Variants in DNAAF9 observed in about 807,000 individuals in gnomAD.
DNAAF9 encodes dynein axonemal assembly factor 9.
Under a neutral mutation model 167.0 loss-of-function variants are expected in DNAAF9, and 90 were observed. The observed-to-expected ratio is 0.54, with a 90% CI of 0.45 to 0.64. The LOEUF (loss-of-function observed/expected upper bound fraction) is 0.64. DNAAF9 is among the 30% of genes least tolerant of loss of function. The pLI is 0.00. For synonymous variants in DNAAF9, 491 were observed against 508.8 expected, an observed-to-expected ratio of 0.96 and a Z score of 0.47; for missense variants, 1,315 against 1,442.2, an observed-to-expected ratio of 0.91 and a Z score of 1.43.
At chr20:3,397,246 T>TC (rs2083921305) in intron 1 of DNAAF9, among the ~76,000 whole-genome samples, 1 of 120,048 alleles carries the variant, frequency 8.3e-6, no homozygotes, top group African/African-American at 3.3e-5. Flanking sequence ...AGACCCCGTA[T>TC]CAAAAAAAAA....
intron 7 of DNAAF9, among the ~76,000 whole-genome samples, chr20:3,358,184 T>C (rs759206712): frequency 1.3e-5 from 2 of 152,066 alleles, no homozygotes; most frequent in South Asian, 4.1e-4. Flanking sequence ...CATTTTATTG[T>C]TTTCTGGGGG....
intron 8 of DNAAF9, among the ~76,000 whole-genome samples, chr20:3,346,412 C>T (rs961122718): frequency 2.6e-5 from 4 of 151,958 alleles, no homozygotes; most frequent in Non-Finnish European, 4.4e-5. Flanking sequence ...TCATTATGTG[C>T]ACATACAAGA....
chr20:3,350,689 T>C (rs1344917181), intron 7 of DNAAF9, among the ~76,000 whole-genome samples: 2 of 152,166 alleles, frequency 1.3e-5, no homozygotes, highest in Non-Finnish European at 2.9e-5. Flanking sequence ...GGCTGGGATA[T>C]CTTAACATAG....
chr20:3,268,667 C>T (rs898981286), intron 30 of DNAAF9, among the ~76,000 whole-genome samples: 1 of 151,898 alleles, frequency 6.6e-6, no homozygotes, highest in Non-Finnish European at 1.5e-5. Context: ...TTAGTTTTTT[C>T]CCTCCTTTAT....
intron 20 of DNAAF9, among the ~76,000 whole-genome samples, chr20:3,306,676 T>C (rs942525493): frequency 1.3e-5 from 2 of 152,112 alleles, no homozygotes; most frequent in Admixed American, 6.6e-5. Context: ...TTTCTTTCAA[T>C]TCTCCCCTGT....
intron 27 of DNAAF9, among the ~76,000 whole-genome samples, chr20:3,283,621 C>T (rs1040726): frequency 0.2 from 30,006 of 152,178 alleles, 3,177 homozygotes; most frequent in African/African-American, 0.25. Context: ...TAGAGAAGCA[C>T]GCCTGGTAAG....
intron 1 of DNAAF9, among the ~76,000 whole-genome samples, chr20:3,396,277 ATTGTC>A (rs1383765521): frequency 1.3e-5 from 2 of 152,200 alleles, no homozygotes; most frequent in African/African-American, 4.8e-5. Flanking sequence ...AGTTTTGTCT[ATTGTC>A]TTAAGTTTTC....
At chr20:3,406,414 C>T (rs2084055482) in intron 1 of DNAAF9, among the ~76,000 whole-genome samples, 1 of 152,078 alleles carries the variant, frequency 6.6e-6, no homozygotes, top group Non-Finnish European at 1.5e-5. Flanking sequence ...ACAACAAAAC[C>T]CTCTCCTGTT....
Position 3,334,023 on chromosome 20 carries a change from T to TA in DNAAF9, c.982-1663dup, listed in dbSNP as rs932034640. ...AATTGCGAGCTTTCCTGGAAGACTA[T>TA]AAAAAACAAGAAGAACCTCAAGACA... is the stretch of plus-strand genomic sequence containing the variant. On this transcript the variant is annotated intron_variant, in intron 10 of 36. Coordinates refer to ENST00000252032, the MANE Select transcript of DNAAF9 (RefSeq NM_001009984.3). 7.2e-5 allele frequency among the ~76,000 whole-genome samples: 11 copies of TA among 152,270 alleles called. No individual in the cohort carries two copies. In the East Asian group the frequency reaches 1.7e-3, roughly 24 times the overall value.
At chr20:3,292,189 G>A (rs1353891738) in intron 25 of DNAAF9, among the ~76,000 whole-genome samples, 5 of 151,882 alleles carry the variant, frequency 3.3e-5, no homozygotes, top group Admixed American at 2.6e-4. Context: ...TAGTAGAGGC[G>A]CGGTTTCACC....
intron 29 of DNAAF9, among the ~76,000 whole-genome samples, chr20:3,273,907 T>C (rs1380671796): frequency 6.6e-6 from 1 of 152,202 alleles, no homozygotes; most frequent in Admixed American, 6.5e-5. Context: ...GTATAATTTT[T>C]TCCACAAGTA....
rs2069020022 is a variant in DNAAF9 at position 3,294,159 on chromosome 20, G to A, written c.2218C>T (p.His740Tyr). The A allele has an allele frequency of 1.3e-6, 2 of 1,594,398 alleles. No individual in the cohort carries two copies. The highest frequency in any genetic ancestry group is 8.6e-7 in the Non-Finnish European group (1 of 1,162,086). The change falls in exon 25 of 37, where the codon CAC becomes TAC. Residue 740 changes from histidine (H) to tyrosine (Y), a missense_variant. By Grantham distance (83) the His-to-Tyr change is moderately conservative. This residue lies in a region of DNAAF9 where 981 missense variants were observed against 1,012.5 expected (regional missense o/e 0.97). Transcript: ENST00000252032. Reference sequence around the variant, plus strand: ...TCTACCTTGTCACTTTCTATTCTGTGAGTAGTGTTGATTTCAGCTTGCTGC... The same window carrying A: ...TCTACCTTGTCACTTTCTATTCTGTAAGTAGTGTTGATTTCAGCTTGCTGC... Reference protein sequence around the residue: ...LLQQAEINTTHRIESDKVIIS... With the variant: ...LLQQAEINTTYRIESDKVIIS...
At chr20:3,379,751 C>T (rs181932114) in intron 3 of DNAAF9, among the ~76,000 whole-genome samples, 63 of 152,172 alleles carry the variant, frequency 4.1e-4, no homozygotes, top group African/African-American at 1.4e-3. Context: ...CCTAGGCACC[C>T]ACTGTGCCAG....
chr20:3,252,979 C>T (rs891392446), intron 36 of DNAAF9, among the ~76,000 whole-genome samples: 2 of 152,222 alleles, frequency 1.3e-5, no homozygotes, highest in African/African-American at 4.8e-5. Context: ...ACTTGTAAAT[C>T]GTGACTCTGA....
rs2068767178 is a variant in DNAAF9 at position 3,281,717 on chromosome 20, A to T, written c.2536T>A (p.Ser846Thr). Residue 846 changes from serine to threonine, a missense_variant, in exon 28 of 37, where the codon TCA becomes ACA. Physicochemically the swap from Ser to Thr is moderately conservative, Grantham distance 58. This residue lies in a region of DNAAF9 where 334 missense variants were observed against 429.7 expected (regional missense o/e 0.78). Transcript: ENST00000252032. Reference sequence around the variant, plus strand: ...ATGGTGAAGGAGGCCTTGACATTTGAGTCTGGGTGGGTCTGCAGGGCCTGG... The same window carrying T: ...ATGGTGAAGGAGGCCTTGACATTTGTGTCTGGGTGGGTCTGCAGGGCCTGG... ...VVQALQTHPD[S>T]NVKASFTIGA... The T allele has an allele frequency of 1.2e-6, 2 of 1,612,852 alleles. No individual in the cohort carries two copies. The highest frequency in any genetic ancestry group is 1.7e-6 in the Non-Finnish European group (2 of 1,179,438).
In DNAAF9 at chr20:3,281,733, C is replaced by T. The variant is rs369622679; in HGVS notation, c.2520G>A (p.Leu840=). The change falls in exon 28 of 37, where the codon CTG becomes CTA. Residue 840 remains leucine (L), a synonymous_variant. Transcript: ENST00000252032. ...YTDVIDVVQA[L]QTHPDSNVKA... is the part of the protein sequence containing the mutation. Reference sequence around the variant, plus strand: ...TGACATTTGAGTCTGGGTGGGTCTGCAGGGCCTGGACAACATCAATAACAT... The same window carrying T: ...TGACATTTGAGTCTGGGTGGGTCTGTAGGGCCTGGACAACATCAATAACAT... 1.9e-6 allele frequency: 3 copies of T among 1,612,280 alleles called. No homozygotes were observed. Among genetic ancestry groups the T allele is most frequent in the Non-Finnish European group, 2.5e-6 (3 of 1,179,312 alleles).
At chr20:3,292,132 G>A (rs2068967731) in intron 25 of DNAAF9, among the ~76,000 whole-genome samples, 1 of 151,900 alleles carries the variant, frequency 6.6e-6, no homozygotes, top group Non-Finnish European at 1.5e-5. Flanking sequence ...CCGAGTAGCT[G>A]GGACTACAGG....
At chr20:3,319,262 CAAAAAAAAAAA>C (rs57727958) in intron 16 of DNAAF9, among the ~76,000 whole-genome samples, 1 of 41,560 alleles carries the variant, frequency 2.4e-5, no homozygotes, top group African/African-American at 6.6e-5. Flanking sequence ...GACCCCGTCT[CAAAAAAAAAAA>C]AAAAAAAAAA....
At chr20:3,279,069 G>A (rs2068722315) in intron 28 of DNAAF9, 120 bp from the exon 29 acceptor site, 1 of 748,372 alleles carries the variant, frequency 1.3e-6, no homozygotes. Flanking sequence ...TGAGGCAGGT[G>A]GCAGCAGCAC....
Sources: allele counts gnomAD v4.1 joint callset (sites outside exome capture counted in the v4.1 genomes callset), GRCh38; gene constraint gnomAD v4.1.1; regional missense constraint gnomAD v4.1.1; transcripts MANE v1.5; gene names NCBI Gene and HGNC (gene_info 2026-07-23, HGNC 2026-07-21).